Variants in SLC14A2 observed in about 807,000 individuals in gnomAD.
The protein encoded by SLC14A2 is urea transporter 2.
SLC14A2 carries 91 observed loss-of-function variants against 104.6 expected under a neutral mutation model. That is an observed-to-expected ratio of 0.87 (90% CI 0.73 to 1.04). The LOEUF (loss-of-function observed/expected upper bound fraction) is 1.04, where lower values mean the gene tolerates loss of function less well. Ranked by LOEUF, SLC14A2 falls within the 50% of genes least tolerant of loss-of-function variation. The probability of loss-of-function intolerance (pLI) is 0.00; values close to 1 mark genes in which losing one functional copy is unlikely to be tolerated. For missense variants in SLC14A2, 1,189 were observed against 1,156.0 expected, an observed-to-expected ratio of 1.03 and a Z score of -0.41; for synonymous variants, 476 against 466.4, an observed-to-expected ratio of 1.02 and a Z score of -0.27.
intron 1 of SLC14A2, among the ~76,000 whole-genome samples, chr18:45,264,194 C>G (rs965916336): frequency 6.6e-6 from 1 of 152,156 alleles, no homozygotes; most frequent in Non-Finnish European, 1.5e-5. Flanking sequence ...CCCAATACCA[C>G]AGAGTTCATT....
intron 2 of SLC14A2, among the ~76,000 whole-genome samples, chr18:45,487,324 G>A (rs1474164672): frequency 6.6e-6 from 1 of 152,194 alleles, no homozygotes; most frequent in African/African-American, 2.4e-5. Flanking sequence ...CCACTTTTAA[G>A]GGCTCATATG....
chr18:45,279,848 A>T (rs1428464141), intron 1 of SLC14A2, among the ~76,000 whole-genome samples: 1 of 152,152 alleles, frequency 6.6e-6, no homozygotes, highest in African/African-American at 2.4e-5. Flanking sequence ...ACTCTGCAAG[A>T]CATTTAATAA....
intron 2 of SLC14A2, among the ~76,000 whole-genome samples, chr18:45,591,627 G>A (rs149602604): frequency 4.1e-4 from 62 of 152,168 alleles, no homozygotes; most frequent in African/African-American, 1.4e-3. Flanking sequence ...GAGCCACCAC[G>A]CCCAGCCGAG....
rs536576484 is a variant in SLC14A2 at position 45,651,785 on chromosome 18, G to A, written c.1351+7625G>A. ...AAAGGTAAGAACATGAAGACCATGT[G>A]TACCAAAAATATGCCACAAGTGCCT... On this transcript the variant is annotated intron_variant, in intron 10 of 19. Coordinates refer to ENST00000255226, the MANE Select transcript of SLC14A2 (RefSeq NM_007163.4). 3.3e-5 allele frequency among the ~76,000 whole-genome samples: 5 copies of A among 152,292 alleles called. 1 individual carries two copies. Among genetic ancestry groups the A allele is most frequent in the African/African-American group, 1.2e-4 (5 of 41,560 alleles).
intron 10 of SLC14A2, chr18:45,644,468 G>A: frequency 4.0e-6 from 1 of 253,020 alleles, no homozygotes; most frequent in Non-Finnish European, 7.6e-6. Flanking sequence ...CTTTTGGAAA[G>A]GTAATTAACA....
chr18:45,191,942 T>G, the SLC14A2 span, among the ~76,000 whole-genome samples: 1 of 152,192 alleles, frequency 6.6e-6, no homozygotes, highest in Non-Finnish European at 1.5e-5. Context: ...GTATATTTGA[T>G]GAACTGTTAG....
intron 1 of SLC14A2, among the ~76,000 whole-genome samples, chr18:45,238,564 A>G (rs2084279535): frequency 6.8e-6 from 1 of 146,844 alleles, no homozygotes; most frequent in Non-Finnish European, 1.5e-5. Flanking sequence ...GTAACATTTA[A>G]TGGGGAAAAA....
At chr18:45,318,229 C>T (rs1047347199) in intron 1 of SLC14A2, among the ~76,000 whole-genome samples, 1 of 152,120 alleles carries the variant, frequency 6.6e-6, no homozygotes, top group Non-Finnish European at 1.5e-5. Flanking sequence ...TGTGGGGAGG[C>T]TTGGGGTCCA....
intron 1 of SLC14A2, among the ~76,000 whole-genome samples, chr18:45,622,260 A>T (rs1424153587): frequency 6.6e-6 from 1 of 152,176 alleles, no homozygotes; most frequent in African/African-American, 2.4e-5. Flanking sequence ...GTGAAGGCAT[A>T]TTTTTTAGAG....
At chr18:45,251,149 A>T (rs1398484822) in intron 1 of SLC14A2, among the ~76,000 whole-genome samples, 3 of 152,096 alleles carry the variant, frequency 2.0e-5, no homozygotes, top group South Asian at 2.1e-4. Flanking sequence ...CACTGAACCC[A>T]ATTTGTAGTC....
intron 1 of SLC14A2, among the ~76,000 whole-genome samples, chr18:45,435,618 C>G (rs777555060): frequency 6.6e-6 from 1 of 152,146 alleles, no homozygotes; most frequent in African/African-American, 2.4e-5. Flanking sequence ...TCCCTTTAAC[C>G]TCCCAGCTGA....
At chr18:45,372,115 C>A (rs1023910163) in intron 1 of SLC14A2, among the ~76,000 whole-genome samples, 1 of 152,058 alleles carries the variant, frequency 6.6e-6, no homozygotes, top group Non-Finnish European at 1.5e-5. Flanking sequence ...AGTTCAAGAC[C>A]AATCTGGCCA....
At chr18:45,494,662 C>T (rs549539795) in intron 2 of SLC14A2, among the ~76,000 whole-genome samples, 37 of 152,134 alleles carry the variant, frequency 2.4e-4, no homozygotes, top group African/African-American at 8.2e-4. Flanking sequence ...CTCAGTCTCC[C>T]AAAGCGCTGG....
chr18:45,257,925 G>C (rs2084496868), intron 1 of SLC14A2, among the ~76,000 whole-genome samples: 1 of 152,194 alleles, frequency 6.6e-6, no homozygotes, highest in Non-Finnish European at 1.5e-5. Flanking sequence ...GGCACAACTA[G>C]TACGCACAAG....
At chr18:45,253,095 G>T (rs902813428) in intron 1 of SLC14A2, among the ~76,000 whole-genome samples, 1 of 152,094 alleles carries the variant, frequency 6.6e-6, no homozygotes, top group African/African-American at 2.4e-5. Flanking sequence ...TTCTGCATCC[G>T]AATCACCCAG....
intron 1 of SLC14A2, among the ~76,000 whole-genome samples, chr18:45,335,828 C>T (rs975006103): frequency 7.2e-5 from 11 of 152,188 alleles, no homozygotes; most frequent in African/African-American, 2.7e-4. Context: ...GGAGGAGCCT[C>T]TCCCTGATTC....
intron 2 of SLC14A2, among the ~76,000 whole-genome samples, chr18:45,524,292 A>C (rs550936451): frequency 3.3e-5 from 5 of 152,354 alleles, no homozygotes; most frequent in Admixed American, 2.0e-4. Flanking sequence ...CACCTCAACA[A>C]GTGTCTGGCT....
chr18:45,408,888 T>A (rs2086184667), intron 1 of SLC14A2, among the ~76,000 whole-genome samples: 1 of 152,186 alleles, frequency 6.6e-6, no homozygotes, highest in East Asian at 1.9e-4. Flanking sequence ...TTACTTTACC[T>A]CTCTGGGCCT....
chr18:45,573,490 A>AACTC lies in SLC14A2; in HGVS notation c.-34-51139_-34-51136dup, dbSNP rs982252182. ...TAATTTGTTATAAGTTACAAATAAA[A>AACTC]ACTCAAAGTCATAATACAGAAATCA... On this transcript the variant is annotated intron_variant, in intron 2 of 20. Transcript: ENST00000586448. 6.0e-4 allele frequency among the ~76,000 whole-genome samples: 91 copies of AACTC among 152,366 alleles called. 1 individual carries two copies. Among genetic ancestry groups the AACTC allele is most frequent in the African/African-American group, 1.9e-3 (79 of 41,596 alleles).
Sources: gnomAD v4.1 joint callset for allele counts (sites outside exome capture counted in the v4.1 genomes callset) on GRCh38, gnomAD v4.1.1 for gene constraint, MANE v1.5 for transcripts, NCBI Gene and HGNC (gene_info 2026-07-23, HGNC 2026-07-21) for gene names.